Variants in EPB41L1 observed in about 807,000 individuals in gnomAD.
The protein encoded by EPB41L1 is band 4.1-like protein 1.
In EPB41L1, 29 loss-of-function variants were observed where a neutral mutation model predicts 97.8. That is an observed-to-expected ratio of 0.30 (90% confidence interval 0.22 to 0.40). The LOEUF (loss-of-function observed/expected upper bound fraction) is 0.40, where lower values mean the gene tolerates loss of function less well. EPB41L1 is among the 10% of genes least tolerant of loss of function. EPB41L1 has a pLI of 1.00. For missense variants in EPB41L1, 812 were observed against 1,162.3 expected (o/e 0.70, Z 4.38); for synonymous variants, 383 against 459.2 (o/e 0.83, Z 2.12).
chr20:36,141,345 T>A (rs778177008), intron 2 of EPB41L1, among the ~76,000 whole-genome samples: 12 of 152,336 alleles, frequency 7.9e-5, no homozygotes, highest in Admixed American at 1.3e-4. Flanking sequence ...CTTTATTATT[T>A]TTTTTTTCTT....
At chr20:36,217,734 G>A in intron 17 of EPB41L1, among the ~76,000 whole-genome samples, 1 of 152,180 alleles carries the variant, frequency 6.6e-6, no homozygotes, top group Non-Finnish European at 1.5e-5. Flanking sequence ...GGTGCATCTG[G>A]GAACGTGCCT....
At chr20:36,154,529 G>A (rs1466079956), upstream of EPB41L1, among the ~76,000 whole-genome samples, 1 of 151,136 alleles carries the variant, frequency 6.6e-6, no homozygotes, top group Non-Finnish European at 1.5e-5. This position sits in a 1 kb window ranked among gnomAD's most constrained non-coding sequence, Gnocchi z 5.5. Flanking sequence ...GGAGGTGGGT[G>A]GTAGAGGAGA....
chr20:36,190,045 G>A lies in EPB41L1; in HGVS notation c.1027-232G>A, dbSNP rs904483296. 7.2e-5 allele frequency among the ~76,000 whole-genome samples: 11 copies of A among 152,166 alleles called. No individual in the cohort carries two copies. The highest frequency in any genetic ancestry group is 3.4e-3 in the Middle Eastern group (1 of 294). On this transcript the variant is annotated intron_variant, in intron 9 of 21. Coordinates refer to ENST00000338074, the MANE Select transcript of EPB41L1 (RefSeq NM_012156.2). The surrounding 1 kb of genome is among the most constrained non-coding windows in gnomAD (Gnocchi z 5.8). ...ACAAAAAATTAGCTGGTGTGGTGTC[G>A]TCTGACTGTAGTCCTGGCTACTTGG...
At chr20:36,188,619 CACACACACACACACACACACACAG>C (rs1412130503) in intron 9 of EPB41L1, 120 bp downstream of exon 9, 23 of 660,228 alleles carry the variant, frequency 3.5e-5, no homozygotes, top group African/African-American at 6.2e-5. Flanking sequence ...CACACACACA[CACACACACACACACACACACACAG>C]AGAGAGAGAG....
chr20:36,185,484 A>C, intron 7 of EPB41L1, 149 bp downstream of exon 7: 1 of 769,322 alleles, frequency 1.3e-6, no homozygotes. Context: ...AGAGCAAATC[A>C]TCTCTGTAAA....
intron 2 of EPB41L1, among the ~76,000 whole-genome samples, chr20:36,138,296 G>A (rs542101068): frequency 2.1e-5 from 3 of 145,760 alleles, no homozygotes; most frequent in Admixed American, 1.4e-4. Flanking sequence ...CAAGAGTCTC[G>A]CTCTGTCAGC....
Position 36,104,985 on chromosome 20 carries a change from G to C in EPB41L1, c.-64-7441G>C, listed in dbSNP as rs73097414. 2.2e-3 allele frequency among the ~76,000 whole-genome samples: 340 copies of C among 152,342 alleles called. 1 individual carries two copies. Among genetic ancestry groups the C allele is most frequent in the Non-Finnish European group, 3.0e-3 (202 of 68,032 alleles). On this transcript the variant is annotated intron_variant, in intron 1 of 19. Transcript: ENST00000202028. ...TTAAGCTGGGAGCAGTCTGTTGCTAGGGTGTGTGCGTGATCCCAGGTGAGT... is the reference window on the plus strand; with the variant it reads ...TTAAGCTGGGAGCAGTCTGTTGCTACGGTGTGTGCGTGATCCCAGGTGAGT...
intron 9 of EPB41L1, among the ~76,000 whole-genome samples, chr20:36,188,895 G>A (rs1370435646): frequency 6.7e-6 from 1 of 148,922 alleles, no homozygotes; most frequent in African/African-American, 2.5e-5. Context: ...AAAAAAAAGG[G>A]AGAAAAAAAA....
intron 8 of EPB41L1, 83 bp from the exon 9 acceptor site, chr20:36,188,263 CA>C: frequency 6.3e-7 from 1 of 1,584,276 alleles, no homozygotes; most frequent in Admixed American, 1.7e-5. Context: ...AAGCAGCGCA[CA>C]GGGCAGTGTT....
At position 36,194,300 on chromosome 20, in the gene EPB41L1, G is replaced by T; in HGVS notation, c.1389G>T (p.Gly463=). 1 of 1,614,166 alleles carries T rather than the reference G, an allele frequency of 6.2e-7. No individual in the cohort carries two copies. Among genetic ancestry groups the T allele is most frequent in the Non-Finnish European group, 8.5e-7 (1 of 1,180,024 alleles). Residue 463 remains glycine, a synonymous_variant, in exon 12 of 22, where the codon GGG becomes GGT. Coordinates refer to ENST00000338074, the MANE Select transcript of EPB41L1 (RefSeq NM_012156.2). ...DKRDEDGESG[G]QRSEAEEGEV... Reference sequence around the variant, plus strand: ...GGGATGAGGATGGCGAGTCTGGGGGGCAACGGTCAGAGGCTGAGGAGGGAG... The same window carrying T: ...GGGATGAGGATGGCGAGTCTGGGGGTCAACGGTCAGAGGCTGAGGAGGGAG...
intron 1 of EPB41L1, among the ~76,000 whole-genome samples, chr20:36,159,258 T>C (rs766059900): frequency 4.6e-5 from 7 of 152,218 alleles, no homozygotes; most frequent in Non-Finnish European, 1.0e-4. Flanking sequence ...TTGAATTATT[T>C]CTTTTGAATA....
rs2062918595 is a variant in EPB41L1, at chr20:36,207,900, G to GTCCAT, written c.1669-1588_1669-1587insTCCAT. 23 of 1,098,832 alleles carry GTCCAT rather than the reference G, an allele frequency of 2.1e-5. No homozygotes were observed. The South Asian group carries it at 3.0e-4, about 14-fold the overall frequency. 68.1% of individuals were successfully genotyped at this position (1,098,832 alleles called of 1,614,324 possible). A position where few individuals can be genotyped will look rare whatever the true frequency, so the allele number is the denominator to read the frequency against. ...CCCCTCGTCATTTCTGCAATCAGAGGCTGCTTATCCATCCCTGTGAGTTTT... is the reference window on the plus strand; with the variant it reads ...CCCCTCGTCATTTCTGCAATCAGAGGTCCATCTGCTTATCCATCCCTGTGAGTTTT... On this transcript the variant is annotated intron_variant, in intron 14 of 21. Coordinates refer to ENST00000338074, the MANE Select transcript of EPB41L1 (RefSeq NM_012156.2). This position sits in a 1 kb window ranked among gnomAD's most constrained non-coding sequence, Gnocchi z 4.9.
chr20:36,197,871 C>T lies in EPB41L1; in HGVS notation c.1498C>T (p.Pro500Ser). Reference protein sequence around the residue: ...PRHKQEFLDKPEDVLLKHQAS... With the variant: ...PRHKQEFLDKSEDVLLKHQAS... ...CATCTATCCCTAGTTCTTAGACAAG[C>T]CAGAAGATGTCTTGCTGAAGCACCA... The change falls in exon 14 of 22, where the codon CCA becomes TCA. Residue 500 changes from proline to serine, a missense_variant. Transcript: ENST00000338074. 6.2e-7 allele frequency: 1 copy of T among 1,614,144 alleles called. No homozygotes were observed. Among genetic ancestry groups the T allele is most frequent in the Non-Finnish European group, 8.5e-7 (1 of 1,180,034 alleles).
intron 2 of EPB41L1, among the ~76,000 whole-genome samples, chr20:36,116,729 C>T (rs2058596462): frequency 6.6e-6 from 1 of 152,180 alleles, no homozygotes; most frequent in Admixed American, 6.5e-5. Flanking sequence ...TGGAGGGGCT[C>T]CTTTCTCCTG....
intron 18 of EPB41L1, 70 bp downstream of exon 18, chr20:36,219,032 C>A: frequency 6.6e-7 from 1 of 1,524,770 alleles, no homozygotes; most frequent in Non-Finnish European, 9.0e-7. Flanking sequence ...CCATGTATGG[C>A]TGGCAGGAAG....
At chr20:36,186,766 AG>A (rs1459833359) in intron 7 of EPB41L1, among the ~76,000 whole-genome samples, 4 of 152,322 alleles carry the variant, frequency 2.6e-5, no homozygotes, top group Non-Finnish European at 4.4e-5. Flanking sequence ...AGAAATACTA[AG>A]GGCTGTCCCT....
Position 36,207,162 on chromosome 20 carries a change from A to C in EPB41L1, c.1669-2326A>C, listed in dbSNP as rs1326842334. The C allele has an allele frequency of 7.8e-7, 1 of 1,289,156 alleles. No individual in the cohort carries two copies. Among genetic ancestry groups the C allele is most frequent in the Non-Finnish European group, 1.0e-6 (1 of 988,338 alleles). The allele number at this position is 1,289,156 out of a possible 1,614,324, so 79.9% of individuals were successfully genotyped here. ...CTCCAAGCCCAACCTCCCATGGGTC[A>C]GGGGAGCCTTCGGAGCTCAGGGAGC... On this transcript the variant is annotated intron_variant, in intron 14 of 21. Coordinates refer to ENST00000338074, the MANE Select transcript of EPB41L1 (RefSeq NM_012156.2). The surrounding 1 kb of genome is among the most constrained non-coding windows in gnomAD (Gnocchi z 4.9).
At chr20:36,178,559 A>T in intron 4 of EPB41L1, 71 bp from the exon 5 acceptor site, 1 of 1,486,436 alleles carries the variant, frequency 6.7e-7, no homozygotes, top group South Asian at 1.1e-5. Flanking sequence ...ATTTCAGGAT[A>T]TTTCTCTCTC....
rs142640473 is a variant in EPB41L1, at chr20:36,093,688, CGTGTGTGT to C, written c.-65+2085_-65+2092del. Among the ~76,000 whole-genome samples, 1 of 146,692 alleles carries C rather than the reference CGTGTGTGT, an allele frequency of 6.8e-6. No individual in the cohort carries two copies. The highest frequency in any genetic ancestry group is 2.6e-5 in the African/African-American group (1 of 39,130). ...TGAAGCCCGTGTGCGTGCGTGCGTG[CGTGTGTGT>C]GTGTGTGTATGTGTATGCGTGCGCG... On this transcript the variant is annotated intron_variant, in intron 1 of 19. Transcript: ENST00000202028. The surrounding 1 kb of genome is among the most constrained non-coding windows in gnomAD (Gnocchi z 5.4).
Sources: gnomAD v4.1 joint callset for allele counts (sites outside exome capture counted in the v4.1 genomes callset) on GRCh38, gnomAD v4.1.1 for gene constraint, Gnocchi (gnomAD v3.1) non-coding constraint, MANE v1.5 for transcripts, NCBI Gene and HGNC (gene_info 2026-07-23, HGNC 2026-07-21) for gene names.